RORA: variants seen among roughly 807,000 people sequenced by gnomAD.
RORA encodes the protein nuclear receptor ROR-alpha.
In RORA, 7 loss-of-function variants were observed where a neutral mutation model predicts 69.5. The observed-to-expected ratio is 0.10, with a 90% CI of 0.06 to 0.19. The LOEUF (loss-of-function observed/expected upper bound fraction) is 0.19, where lower values mean the gene tolerates loss of function less well. Ranked by LOEUF, RORA falls within the 10% of genes least tolerant of loss-of-function variation. The pLI is 1.00. For synonymous variants in RORA, 261 were observed against 240.8 expected (o/e 1.08, Z -0.78); for missense variants, 457 against 663.0 (o/e 0.69, Z 3.41).
chr15:60,842,749 C>G (rs1352248846), intron 1 of RORA, among the ~76,000 whole-genome samples: 1 of 151,904 alleles, frequency 6.6e-6, no homozygotes, highest in Non-Finnish European at 1.5e-5. Context: ...CTCCCAAACC[C>G]AAACTGGTGC....
chr15:61,139,939 A>G (rs1389909917), intron 1 of RORA, among the ~76,000 whole-genome samples: 1 of 152,154 alleles, frequency 6.6e-6, no homozygotes, highest in African/African-American at 2.4e-5. Context: ...TTGTTACCTG[A>G]TTGGAAGTTC....
intron 1 of RORA, among the ~76,000 whole-genome samples, chr15:61,030,927 A>G (rs911100009): frequency 6.6e-6 from 1 of 152,218 alleles, no homozygotes; most frequent in African/African-American, 2.4e-5. Context: ...ATGTATATGT[A>G]TATGTGTGTA....
chr15:60,534,594 G>A lies in RORA; in HGVS notation c.197-2743C>T, dbSNP rs1003005450. On this transcript the variant is annotated intron_variant, in intron 2 of 10. Coordinates refer to ENST00000335670, the MANE Select transcript of RORA (RefSeq NM_134261.3). This position sits in a 1 kb window ranked among gnomAD's most constrained non-coding sequence, Gnocchi z 5.0. Reference sequence around the variant, plus strand: ...AAACAGGCTTCACCGGGAATCTCTCGGTAAGGTGGTAGAAGGGTTTCTGGA... The same window carrying A: ...AAACAGGCTTCACCGGGAATCTCTCAGTAAGGTGGTAGAAGGGTTTCTGGA... 6.6e-6 allele frequency among the ~76,000 whole-genome samples: 1 copy of A among 152,078 alleles called. No individual in the cohort carries two copies. The highest frequency in any genetic ancestry group is 1.5e-5 in the Non-Finnish European group (1 of 68,014).
At chr15:61,221,266 T>C (rs1035200740) in intron 1 of RORA, among the ~76,000 whole-genome samples, 1 of 152,236 alleles carries the variant, frequency 6.6e-6, no homozygotes, top group African/African-American at 2.4e-5. Context: ...ATGGCTTTTG[T>C]TTGGCTACAA....
At chr15:60,737,606 G>A (rs1173824251) in intron 1 of RORA, among the ~76,000 whole-genome samples, 1 of 152,188 alleles carries the variant, frequency 6.6e-6, no homozygotes, top group Non-Finnish European at 1.5e-5. Flanking sequence ...CAGAACCCCT[G>A]GTCTATAGAA....
chr15:60,713,842 C>T (rs1001634825), intron 1 of RORA, among the ~76,000 whole-genome samples: 3 of 152,214 alleles, frequency 2.0e-5, no homozygotes, highest in Non-Finnish European at 4.4e-5. Flanking sequence ...CTAAGGAAAG[C>T]ACCTGATTAC....
chr15:60,859,653 TTC>T (rs1247913732), intron 1 of RORA, among the ~76,000 whole-genome samples: 59 of 137,594 alleles, frequency 4.3e-4, no homozygotes, highest in South Asian at 2.6e-3. Flanking sequence ...CTTTCTTTCT[TTC>T]TTTTTTTTTT....
intron 1 of RORA, among the ~76,000 whole-genome samples, chr15:61,179,990 A>C (rs554679915): frequency 6.6e-6 from 1 of 151,488 alleles, no homozygotes; most frequent in African/African-American, 2.4e-5. Flanking sequence ...AAAAACAAAA[A>C]AAAAATAGCT....
intron 2 of RORA, among the ~76,000 whole-genome samples, chr15:60,668,113 T>C (rs2070406957): frequency 6.6e-6 from 1 of 152,202 alleles, no homozygotes; most frequent in Non-Finnish European, 1.5e-5. Flanking sequence ...CCTTGGCTGC[T>C]GCTCTCAGGG....
rs568041262 is a variant in RORA, at chr15:60,542,573, C to T, written c.197-10722G>A. Among the ~76,000 whole-genome samples, 8 of 132,564 alleles carry T rather than the reference C, an allele frequency of 6.0e-5. No homozygotes were observed. In the East Asian group the frequency reaches 9.8e-4, roughly 16 times the overall value. 87.0% of individuals were successfully genotyped at this position (132,564 alleles called of 152,430 possible). ...ACATGCACACCTCACACACACGGCA[C>T]GCATGCACACCTCACACACACGGCA... is the stretch of plus-strand genomic sequence containing the variant. On this transcript the variant is annotated intron_variant, in intron 2 of 10. Coordinates refer to ENST00000335670, the MANE Select transcript of RORA (RefSeq NM_134261.3).
chr15:60,716,252 C>A (rs960280008), intron 1 of RORA, among the ~76,000 whole-genome samples: 4 of 152,162 alleles, frequency 2.6e-5, no homozygotes, highest in African/African-American at 9.7e-5. Context: ...TGGGCTACAG[C>A]CAATTTTATG....
chr15:61,082,961 T>C (rs887370199), intron 1 of RORA, among the ~76,000 whole-genome samples: 1 of 152,054 alleles, frequency 6.6e-6, no homozygotes, highest in African/African-American at 2.4e-5. Context: ...TACTAAAAAA[T>C]AGAACCAGGC....
At chr15:60,842,016 C>T (rs1254310048) in intron 1 of RORA, among the ~76,000 whole-genome samples, 1 of 152,064 alleles carries the variant, frequency 6.6e-6, no homozygotes, top group East Asian at 1.9e-4. Context: ...GGGTCACTGC[C>T]ATCACGGATG....
At chr15:60,844,510 G>A (rs542575070) in intron 1 of RORA, among the ~76,000 whole-genome samples, 3 of 152,148 alleles carry the variant, frequency 2.0e-5, no homozygotes, top group South Asian at 2.1e-4. Flanking sequence ...CTGCTGCCAC[G>A]AGCAAGCCTC....
chr15:60,517,218 A>C (rs1050992791), intron 3 of RORA, among the ~76,000 whole-genome samples: 3 of 151,386 alleles, frequency 2.0e-5, no homozygotes, highest in East Asian at 3.9e-4. Flanking sequence ...TTTGTCAACC[A>C]AGTTGATGTA....
intron 1 of RORA, among the ~76,000 whole-genome samples, chr15:60,965,777 C>T (rs1317517514): frequency 6.6e-5 from 10 of 152,184 alleles, no homozygotes; most frequent in Admixed American, 2.0e-4. Flanking sequence ...CCCTGAAACA[C>T]TAATTATGCC....
At chr15:61,134,725 C>A (rs2079220655) in intron 1 of RORA, among the ~76,000 whole-genome samples, 1 of 152,038 alleles carries the variant, frequency 6.6e-6, no homozygotes, top group African/African-American at 2.4e-5. Context: ...TTCTGGTTGT[C>A]CTTGGCGCAG....
chr15:60,979,178 A>G (rs1383880082), intron 1 of RORA, among the ~76,000 whole-genome samples: 2 of 148,248 alleles, frequency 1.3e-5, no homozygotes, highest in African/African-American at 5.0e-5. Context: ...GCTAGCCAGG[A>G]TGGTCTTCAT....
chr15:61,124,207 G>A (rs1049159122), intron 1 of RORA, among the ~76,000 whole-genome samples: 1 of 152,158 alleles, frequency 6.6e-6, no homozygotes, highest in African/African-American at 2.4e-5. Flanking sequence ...TTTCCTTTAA[G>A]CAATTCCCTT....
Sources: allele counts gnomAD v4.1 joint callset (sites outside exome capture counted in the v4.1 genomes callset), GRCh38; gene constraint gnomAD v4.1.1; non-coding constraint Gnocchi (gnomAD v3.1); transcripts MANE v1.5; gene names NCBI Gene and HGNC (gene_info 2026-07-23, HGNC 2026-07-21).